Variants in CAMK2A observed in about 807,000 individuals in gnomAD.
The protein encoded by CAMK2A is calcium/calmodulin-dependent protein kinase type II subunit alpha.
A neutral mutation model predicts 79.2 loss-of-function variants in CAMK2A; 7 were observed. The ratio of observed to expected loss-of-function variants is 0.09; its 90% CI spans 0.05 to 0.17. CAMK2A has a LOEUF of 0.17. Among genes scored for constraint, CAMK2A ranks in the 10% least tolerant of loss-of-function variants. The pLI is 1.00. For synonymous variants in CAMK2A, 242 were observed against 251.7 expected (o/e 0.96, Z 0.36); for missense variants, 214 against 646.4 (o/e 0.33, Z 7.25).
Position 150,250,322 on chromosome 5 carries a change from G to A in CAMK2A, c.817-13C>T, listed in dbSNP as rs1332419378. The A allele has an allele frequency of 3.1e-6, 5 of 1,611,476 alleles. No individual in the cohort carries two copies. The highest frequency in any genetic ancestry group is 4.2e-6 in the Non-Finnish European group (5 of 1,177,934). On this transcript the variant is annotated splice_polypyrimidine_tract_variant and intron_variant, in intron 10 of 18. Transcript: ENST00000671881. Reference sequence around the variant, plus strand: ...CGGTGGAGCGGTGCTGGAGGAAGTAGGGGAGAGGGCTGTGAGTGGAAGGCA... The same window carrying A: ...CGGTGGAGCGGTGCTGGAGGAAGTAAGGGAGAGGGCTGTGAGTGGAAGGCA...
chr5:150,234,746 G>A (rs756189315), intron 15 of CAMK2A, among the ~76,000 whole-genome samples: 9 of 152,188 alleles, frequency 5.9e-5, no homozygotes, highest in Non-Finnish European at 8.8e-5. Flanking sequence ...CCTGATATGA[G>A]GGGGTGTAGC....
intron 13 of CAMK2A, among the ~76,000 whole-genome samples, chr5:150,244,541 G>A (rs573671529): frequency 6.6e-6 from 1 of 152,220 alleles, no homozygotes. Flanking sequence ...GAGAAGAGAC[G>A]GGAAGGAGGA....
rs1756063492 is a variant in CAMK2A, at chr5:150,256,508, G to A, written c.411+65C>T. The stretch of plus-strand genomic sequence containing the variant: ...ATTCTGATAATGTCCAGCTCTGCAG[G>A]ATTAGGGACGTGCAGAGGAGAGAGG... On this transcript the variant is annotated intron_variant, in intron 6 of 18. Coordinates refer to ENST00000671881, the MANE Select transcript of CAMK2A (RefSeq NM_015981.4). The surrounding 1 kb of genome is among the most constrained non-coding windows in gnomAD (Gnocchi z 4.6). 9.3e-7 allele frequency: 1 copy of A among 1,074,600 alleles called. No homozygotes were observed. Among genetic ancestry groups the A allele is most frequent in the Admixed American group, 1.7e-5 (1 of 57,172 alleles). The allele number at this position is 1,074,600 out of a possible 1,614,324, so 66.6% of individuals were successfully genotyped here.
intron 1 of CAMK2A, 129 bp from the exon 2 acceptor site, chr5:150,273,288 G>A (rs1756826753): frequency 1.5e-6 from 1 of 670,568 alleles, no homozygotes; most frequent in Non-Finnish European, 2.6e-6. Context: ...AAGCTCACAG[G>A]GGCTTCTGTG....
chr5:150,232,394 C>T (rs1357061566), intron 15 of CAMK2A, among the ~76,000 whole-genome samples: 2 of 152,174 alleles, frequency 1.3e-5, no homozygotes, highest in African/African-American at 4.8e-5. Context: ...TAGGCCCCTG[C>T]CAGGGGTTGC....
At chr5:150,288,147 A>G (rs1430517485) in intron 1 of CAMK2A, among the ~76,000 whole-genome samples, 1 of 152,074 alleles carries the variant, frequency 6.6e-6, no homozygotes, top group Non-Finnish European at 1.5e-5. Context: ...TCCTGTGTGC[A>G]TGACCCCAGT....
At position 150,222,690 on chromosome 5, in the gene CAMK2A, A is replaced by G; in HGVS notation, c.*20T>C. The G allele has an allele frequency of 6.2e-7, 1 of 1,613,752 alleles. No individual in the cohort carries two copies. The highest frequency in any genetic ancestry group is 2.2e-5 in the East Asian group (1 of 44,874). ...GTGGATCTCTGCGGCACAGCAACGC[A>G]GCGACCCCAGCCTGGTCCCTCAGCT... On this transcript the variant is annotated 3_prime_UTR_variant, in exon 19 of 19. Transcript: ENST00000671881.
chr5:150,228,477 C>T (rs969918967), intron 16 of CAMK2A, among the ~76,000 whole-genome samples, 191 bp from the exon 17 acceptor site: 2 of 152,144 alleles, frequency 1.3e-5, no homozygotes, highest in East Asian at 1.9e-4. Flanking sequence ...CATCTAGATC[C>T]GGGAAGCCTG....
chr5:150,225,025 A>G (rs1408335236), intron 17 of CAMK2A, among the ~76,000 whole-genome samples: 1 of 148,914 alleles, frequency 6.7e-6, no homozygotes, highest in Non-Finnish European at 1.5e-5. Flanking sequence ...AGCCAGTCTC[A>G]TAACCTGGTA....
At chr5:150,272,946 C>G (rs1230629164) in intron 2 of CAMK2A, 119 bp downstream of exon 2, 2 of 743,208 alleles carry the variant, frequency 2.7e-6, no homozygotes, top group East Asian at 2.5e-5. Context: ...GCAGCCCCCA[C>G]CCCTGCCATA....
At chr5:150,255,101 T>C (rs1042371557) in intron 6 of CAMK2A, among the ~76,000 whole-genome samples, 1 of 152,322 alleles carries the variant, frequency 6.6e-6, no homozygotes, top group African/African-American at 2.4e-5. Flanking sequence ...TCGGTAACCG[T>C]CCTGCCCTGA....
chr5:150,275,100 G>C (rs2150303640), intron 1 of CAMK2A, among the ~76,000 whole-genome samples: 1 of 152,384 alleles, frequency 6.6e-6, no homozygotes, highest in South Asian at 2.1e-4. Flanking sequence ...GGAGGAAGGA[G>C]CCAGGATACG....
intron 16 of CAMK2A, 81 bp downstream of exon 16, chr5:150,231,224 C>T: frequency 1.5e-6 from 1 of 657,004 alleles, no homozygotes; most frequent in Non-Finnish European, 2.6e-6. Flanking sequence ...GGATCGGAGA[C>T]AAGGACCCCC....
Position 150,284,922 on chromosome 5 carries a change from G to A in CAMK2A, c.62+4642C>T, listed in dbSNP as rs539730343. 4.6e-5 allele frequency among the ~76,000 whole-genome samples: 7 copies of A among 152,278 alleles called. No individual in the cohort carries two copies. Among genetic ancestry groups the A allele is most frequent in the South Asian group, 2.1e-4 (1 of 4,824 alleles). On this transcript the variant is annotated intron_variant, in intron 1 of 18. Coordinates refer to ENST00000671881, the MANE Select transcript of CAMK2A (RefSeq NM_015981.4). This position sits in a 1 kb window ranked among gnomAD's most constrained non-coding sequence, Gnocchi z 5.3. ...CCTCCACAGAGGGAGGCTACAGAGC[G>A]TGGCATCTCTAATGGGGCATTGCAG... is the stretch of plus-strand genomic sequence containing the variant.
chr5:150,245,038 T>A lies in CAMK2A; in HGVS notation c.984+123A>T. The A allele has an allele frequency of 3.2e-6, 3 of 923,860 alleles. No individual in the cohort carries two copies. In the South Asian group the frequency reaches 4.8e-5, roughly 15 times the overall value. 57.2% of individuals were successfully genotyped at this position (923,860 alleles called of 1,614,324 possible). A position where few individuals can be genotyped will look rare whatever the true frequency, so the allele number is the denominator to read the frequency against. On this transcript the variant is annotated intron_variant, in intron 13 of 18. Coordinates refer to ENST00000671881, the MANE Select transcript of CAMK2A (RefSeq NM_015981.4). ...TCTGGAGACAGCCTGGCCACAAATG[T>A]GGCCCACGTCTGCCCAGGACACCAT...
At chr5:150,285,893 C>A (rs2150312775) in intron 1 of CAMK2A, among the ~76,000 whole-genome samples, 1 of 152,284 alleles carries the variant, frequency 6.6e-6, no homozygotes, top group East Asian at 1.9e-4. Context: ...GATCAGAAGC[C>A]CGGAGAATGC....
At chr5:150,237,993 T>G (rs1292788808) in intron 15 of CAMK2A, among the ~76,000 whole-genome samples, 1 of 152,214 alleles carries the variant, frequency 6.6e-6, no homozygotes, top group Non-Finnish European at 1.5e-5. Context: ...TCTGGATTTT[T>G]GCTCTCCCTT....
chr5:150,284,650 T>C lies in CAMK2A; in HGVS notation c.62+4914A>G, dbSNP rs904669587. Among the ~76,000 whole-genome samples the C allele has an allele frequency of 5.3e-5, 8 of 152,152 alleles. No individual in the cohort carries two copies. Among genetic ancestry groups the C allele is most frequent in the Admixed American group, 2.0e-4 (3 of 15,286 alleles). ...GAGGAGAGGGAGGAAAGCTCGTCCCTTCCCTGTTCCTGCCACCCTTTCCTT... is the reference window on the plus strand; with the variant it reads ...GAGGAGAGGGAGGAAAGCTCGTCCCCTCCCTGTTCCTGCCACCCTTTCCTT... On this transcript the variant is annotated intron_variant, in intron 1 of 18. Transcript: ENST00000671881. This position sits in a 1 kb window ranked among gnomAD's most constrained non-coding sequence, Gnocchi z 5.3.
At chr5:150,260,576 C>T (rs1271591115) in intron 3 of CAMK2A, among the ~76,000 whole-genome samples, 2 of 152,268 alleles carry the variant, frequency 1.3e-5, no homozygotes, top group Admixed American at 6.5e-5. Flanking sequence ...TGCATCCAAA[C>T]CCCACGTGCT....
Sources: allele counts gnomAD v4.1 joint callset (sites outside exome capture counted in the v4.1 genomes callset), GRCh38; gene constraint gnomAD v4.1.1; non-coding constraint Gnocchi (gnomAD v3.1); transcripts MANE v1.5; gene names NCBI Gene and HGNC (gene_info 2026-07-23, HGNC 2026-07-21).